Variants in EFTUD2 observed in about 807,000 individuals in gnomAD.
The protein encoded by EFTUD2 is 116 kDa U5 small nuclear ribonucleoprotein component.
Under a neutral mutation model 114.3 loss-of-function variants are expected in EFTUD2, and 9 were observed. The ratio of observed to expected loss-of-function variants is 0.08; its 90% CI spans 0.05 to 0.14. The LOEUF (loss-of-function observed/expected upper bound fraction) is 0.14, where lower values mean the gene tolerates loss of function less well. Ranked by LOEUF, EFTUD2 falls within the 10% of genes least tolerant of loss-of-function variation. The probability of loss-of-function intolerance (pLI) is 1.00; values close to 1 mark genes in which losing one functional copy is unlikely to be tolerated. For synonymous variants in EFTUD2, 449 were observed against 462.3 expected (o/e 0.97, Z 0.37); for missense variants, 765 against 1,241.2 (o/e 0.62, Z 5.76).
chr17:44,886,789 C>T (rs539228735), intron 2 of EFTUD2, 39 bp from the exon 3 acceptor site: 20 of 1,583,744 alleles, frequency 1.3e-5, no homozygotes, highest in South Asian at 9.1e-5. Flanking sequence ...AAGAGGCACA[C>T]GCTTTTCCTG....
At chr17:44,863,877 G>A in intron 14 of EFTUD2, 95 bp from the exon 15 acceptor site, 1 of 1,506,592 alleles carries the variant, frequency 6.6e-7, no homozygotes. Flanking sequence ...AAAGCTCAAA[G>A]TGCGGGGACT....
rs929890494 is a variant in EFTUD2 at position 44,863,889 on chromosome 17, ATTGT to A, written c.1286-111_1286-108del. Reference sequence around the variant, plus strand: ...CAAAAAGCTCAAAGTGCGGGGACTGATTGTTAGCTCTAAAAGCTCTGGCACTATA... The same window carrying A: ...CAAAAAGCTCAAAGTGCGGGGACTGATAGCTCTAAAAGCTCTGGCACTATA... On this transcript the variant is annotated intron_variant, in intron 14 of 27. Transcript: ENST00000426333. The A allele has an allele frequency of 7.0e-6, 10 of 1,437,866 alleles. No homozygotes were observed. In the African/African-American group the frequency reaches 1.3e-4, roughly 18 times the overall value. 89.1% of individuals were successfully genotyped at this position (1,437,866 alleles called of 1,614,324 possible).
At chr17:44,853,771 T>C in intron 23 of EFTUD2, 136 bp from the exon 24 acceptor site, 1 of 1,489,922 alleles carries the variant, frequency 6.7e-7, no homozygotes, top group Non-Finnish European at 8.9e-7. Context: ...AAATGGGAGG[T>C]GGGCGTTCTA....
At chr17:44,861,282 A>G (rs921439811) in intron 16 of EFTUD2, among the ~76,000 whole-genome samples, 2 of 152,038 alleles carry the variant, frequency 1.3e-5, no homozygotes, top group African/African-American at 4.8e-5. Flanking sequence ...TATCTCTACT[A>G]AAAATACAAA....
At chr17:44,895,562 G>T (rs1433103714) in intron 1 of EFTUD2, among the ~76,000 whole-genome samples, 1 of 150,936 alleles carries the variant, frequency 6.6e-6, no homozygotes, top group African/African-American at 2.4e-5. Flanking sequence ...ATCATTTACA[G>T]TTGCCTTCAC....
chr17:44,866,472 ACAATCTCAGCTCACTGCAGC>A (rs2050747960), intron 13 of EFTUD2, among the ~76,000 whole-genome samples: 2 of 152,118 alleles, frequency 1.3e-5, no homozygotes, highest in African/African-American at 4.8e-5. Flanking sequence ...GTGCAGTGGC[ACAATCTCAGCTCACTGCAGC>A]CTCTGCCTCA....
chr17:44,858,287 G>T (rs1228445599), intron 19 of EFTUD2, among the ~76,000 whole-genome samples: 1 of 152,056 alleles, frequency 6.6e-6, no homozygotes, highest in African/African-American at 2.4e-5. Context: ...CCATGCTAGG[G>T]TGCAGTGGCA....
At chr17:44,861,406 T>C (rs920287792) in intron 16 of EFTUD2, among the ~76,000 whole-genome samples, 30 of 135,162 alleles carry the variant, frequency 2.2e-4, no homozygotes, top group African/African-American at 4.9e-4. Flanking sequence ...AATCACGCCA[T>C]TGCACTCCAG....
intron 3 of EFTUD2, among the ~76,000 whole-genome samples, chr17:44,885,799 G>A (rs1171841064): frequency 2.6e-5 from 4 of 152,024 alleles, no homozygotes; most frequent in Admixed American, 6.5e-5. Context: ...GCTAATTTTT[G>A]TACTTTTTTT....
intron 9 of EFTUD2, among the ~76,000 whole-genome samples, chr17:44,878,294 C>A (rs896869782): frequency 3.3e-5 from 5 of 152,086 alleles, no homozygotes; most frequent in African/African-American, 1.2e-4. Context: ...AGCTTAATCA[C>A]GAGGAAGTAT....
intron 26 of EFTUD2, 117 bp downstream of exon 26, chr17:44,852,292 G>A: frequency 7.8e-7 from 1 of 1,287,582 alleles, no homozygotes. Context: ...CCCAGAGGAG[G>A]ACTCTTCTCC....
intron 2 of EFTUD2, among the ~76,000 whole-genome samples, chr17:44,890,031 A>T (rs2051250223): frequency 6.6e-6 from 1 of 151,976 alleles, no homozygotes; most frequent in African/African-American, 2.4e-5. Flanking sequence ...TTTGAGATGG[A>T]GTTTCACTCT....
chr17:44,883,455 TAGG>T, intron 5 of EFTUD2, 191 bp downstream of exon 5: 1 of 626,726 alleles, frequency 1.6e-6, no homozygotes, highest in South Asian at 2.0e-5. Context: ...GCAAGTGGCT[TAGG>T]AACAGGCTCC....
intron 11 of EFTUD2, 129 bp downstream of exon 11, chr17:44,872,317 G>T: frequency 8.0e-7 from 1 of 1,250,340 alleles, no homozygotes; most frequent in Non-Finnish European, 1.1e-6. Flanking sequence ...CCCCAAATGT[G>T]ATAATAACAG....
intron 9 of EFTUD2, among the ~76,000 whole-genome samples, chr17:44,878,938 C>T (rs1389699243): frequency 1.3e-5 from 2 of 152,208 alleles, no homozygotes; most frequent in Non-Finnish European, 2.9e-5. Flanking sequence ...AAAAACACAA[C>T]TAATATTAAA....
intron 20 of EFTUD2, among the ~76,000 whole-genome samples, chr17:44,855,641 G>A (rs1456023905): frequency 1.3e-5 from 2 of 151,786 alleles, no homozygotes; most frequent in African/African-American, 4.8e-5. Flanking sequence ...AACAAAGCAA[G>A]AGACCCCATC....
In EFTUD2 at chr17:44,865,077, TA is replaced by T. The variant is rs886612768; in HGVS notation, c.1150-13del. ...ACGTCACCTACAACCTGTGAGGGTG[TA>T]AGACACCATGTCAGCTGTAGTGAGA... On this transcript the variant is annotated splice_polypyrimidine_tract_variant and intron_variant, in intron 13 of 27. Coordinates refer to ENST00000426333, the MANE Select transcript of EFTUD2 (RefSeq NM_004247.4). 1.1e-5 allele frequency: 18 copies of T among 1,613,898 alleles called. No individual in the cohort carries two copies. In the Admixed American group the frequency reaches 2.3e-4, roughly 21 times the overall value.
rs192982112 is a variant in EFTUD2, at chr17:44,871,121, C to T, written c.994+1325G>A. 5.6e-3 allele frequency among the ~76,000 whole-genome samples: 859 copies of T among 152,100 alleles called. 11 individuals are homozygous for T. The highest frequency in any genetic ancestry group is 0.019 in the African/African-American group (809 of 41,488). On this transcript the variant is annotated intron_variant, in intron 11 of 27. Coordinates refer to ENST00000426333, the MANE Select transcript of EFTUD2 (RefSeq NM_004247.4). ...TGGTGCAATCACGGCTCACTGTAGC[C>T]TCAACCTCCCGGGCTCAAGTGATCC...
intron 6 of EFTUD2, among the ~76,000 whole-genome samples, chr17:44,882,395 G>A (rs964163306): frequency 6.6e-6 from 1 of 151,948 alleles, no homozygotes; most frequent in Admixed American, 6.6e-5. Flanking sequence ...GGGACTACAG[G>A]TGTGCACCAC....
Sources: allele counts gnomAD v4.1 joint callset (sites outside exome capture counted in the v4.1 genomes callset), GRCh38; gene constraint gnomAD v4.1.1; transcripts MANE v1.5; gene names NCBI Gene and HGNC (gene_info 2026-07-23, HGNC 2026-07-21).